Variants in GPC5 observed in about 807,000 individuals in gnomAD.
The protein encoded by GPC5 is glypican 5.
Under a neutral mutation model 53.9 loss-of-function variants are expected in GPC5, and 47 were observed. The ratio of observed to expected loss-of-function variants is 0.87; its 90% CI spans 0.69 to 1.11. GPC5 has a LOEUF of 1.11. Among genes scored for constraint, GPC5 ranks in the 50% most tolerant of loss-of-function variants. GPC5 has a pLI of 0.00. For synonymous variants in GPC5, 286 were observed against 263.3 expected, an observed-to-expected ratio of 1.09 and a Z score of -0.84; for missense variants, 748 against 713.1, an observed-to-expected ratio of 1.05 and a Z score of -0.56.
chr13:91,407,913 T>A (rs923519771), intron 1 of GPC5, among the ~76,000 whole-genome samples: 5 of 152,180 alleles, frequency 3.3e-5, no homozygotes, highest in South Asian at 2.1e-4. Context: ...TTTTAAAAAA[T>A]TTATTTTAAA....
intron 7 of GPC5, among the ~76,000 whole-genome samples, chr13:92,354,370 T>C (rs966514854): frequency 3.9e-5 from 6 of 152,216 alleles, no homozygotes; most frequent in Non-Finnish European, 5.9e-5. Context: ...TTACCACAAG[T>C]TTTGCTCCTT....
chr13:91,410,705 A>C (rs940816434), intron 1 of GPC5, among the ~76,000 whole-genome samples: 2 of 152,096 alleles, frequency 1.3e-5, no homozygotes, highest in Non-Finnish European at 2.9e-5. Context: ...ACTCCCTCTC[A>C]AGGTATTAAT....
chr13:92,349,391 C>T (rs757303927), intron 7 of GPC5, among the ~76,000 whole-genome samples: 3 of 151,436 alleles, frequency 2.0e-5, no homozygotes, highest in African/African-American at 4.9e-5. Context: ...GTGATTTGCC[C>T]GCCTTGGCCT....
chr13:91,527,740 A>G (rs993405188), intron 2 of GPC5, among the ~76,000 whole-genome samples: 1 of 152,312 alleles, frequency 6.6e-6, no homozygotes, highest in South Asian at 2.1e-4. Context: ...AGGCATTTCC[A>G]TACATCCTCT....
intron 6 of GPC5, among the ~76,000 whole-genome samples, chr13:91,927,109 A>AT (rs1286415051): frequency 6.6e-6 from 1 of 152,210 alleles, no homozygotes; most frequent in Non-Finnish European, 1.5e-5. Context: ...TCAGTTATTG[A>AT]TTTATTCTAA....
intron 7 of GPC5, among the ~76,000 whole-genome samples, chr13:92,762,369 A>G (rs1008831193): frequency 2.0e-5 from 3 of 152,166 alleles, no homozygotes; most frequent in Non-Finnish European, 4.4e-5. Flanking sequence ...GGTTTATGTA[A>G]GCCTCATGGT....
intron 7 of GPC5, among the ~76,000 whole-genome samples, chr13:92,578,445 C>A (rs1021079575): frequency 9.2e-5 from 14 of 152,054 alleles, no homozygotes; most frequent in South Asian, 2.1e-4. Flanking sequence ...TGGGGAGATA[C>A]CTTATGGAAA....
At chr13:91,908,711 T>C (rs1232858182) in intron 6 of GPC5, among the ~76,000 whole-genome samples, 1 of 152,110 alleles carries the variant, frequency 6.6e-6, no homozygotes, top group Non-Finnish European at 1.5e-5. Flanking sequence ...TTATGTTGCA[T>C]GTTGTAAATA....
chr13:92,496,645 A>G (rs973644971), intron 7 of GPC5, among the ~76,000 whole-genome samples: 1 of 152,134 alleles, frequency 6.6e-6, no homozygotes, highest in African/African-American at 2.4e-5. Flanking sequence ...TTGACGACCA[A>G]ATTCACAGAA....
chr13:91,567,030 G>A (rs1367150522), intron 2 of GPC5, among the ~76,000 whole-genome samples: 1 of 150,898 alleles, frequency 6.6e-6, no homozygotes, highest in African/African-American at 2.4e-5. Context: ...ATTTGGGACT[G>A]TCTCTATTTT....
intron 2 of GPC5, among the ~76,000 whole-genome samples, chr13:91,619,359 C>A (rs1456907784): frequency 6.6e-6 from 1 of 152,018 alleles, no homozygotes; most frequent in Non-Finnish European, 1.5e-5. Context: ...TATACGAGGG[C>A]AAACCATTAT....
intron 7 of GPC5, among the ~76,000 whole-genome samples, chr13:92,663,972 T>G (rs1261278996): frequency 1.4e-5 from 2 of 147,716 alleles, no homozygotes; most frequent in East Asian, 2.0e-4. Flanking sequence ...CTTGGGAGGC[T>G]GAGGCAGAAG....
intron 6 of GPC5, among the ~76,000 whole-genome samples, chr13:91,985,914 TACTC>T (rs113156549): frequency 0.029 from 4,363 of 152,092 alleles, 188 homozygotes; most frequent in African/African-American, 0.098. Flanking sequence ...AAAACCAAAA[TACTC>T]AATGCCACTT....
chr13:92,163,751 G>T (rs553298252), intron 7 of GPC5, among the ~76,000 whole-genome samples: 2 of 151,932 alleles, frequency 1.3e-5, no homozygotes, highest in Non-Finnish European at 2.9e-5. Flanking sequence ...CAAAGATGAA[G>T]TTTGTTGATC....
intron 7 of GPC5, among the ~76,000 whole-genome samples, chr13:92,545,740 A>T (rs1214468383): frequency 6.6e-6 from 1 of 151,980 alleles, no homozygotes; most frequent in Non-Finnish European, 1.5e-5. Context: ...GTCTGTTCAT[A>T]TCCTTTGCCC....
At chr13:92,318,873 G>T (rs1488750963) in intron 7 of GPC5, among the ~76,000 whole-genome samples, 2 of 152,166 alleles carry the variant, frequency 1.3e-5, no homozygotes, top group South Asian at 2.1e-4. Flanking sequence ...GGGGGCTTTT[G>T]TTTGTTTCAT....
chr13:92,806,589 A>G (rs1330830657), intron 7 of GPC5, among the ~76,000 whole-genome samples: 2 of 151,994 alleles, frequency 1.3e-5, no homozygotes, highest in African/African-American at 4.8e-5. Flanking sequence ...AATTCATCCT[A>G]TCAATGAAGC....
intron 7 of GPC5, among the ~76,000 whole-genome samples, chr13:92,713,116 C>T (rs933974339): frequency 2.0e-5 from 3 of 151,818 alleles, no homozygotes; most frequent in African/African-American, 7.3e-5. Flanking sequence ...CACACACTTA[C>T]ACACACATGG....
chr13:92,663,962 C>G (rs1052165316), intron 7 of GPC5, among the ~76,000 whole-genome samples: 2 of 146,192 alleles, frequency 1.4e-5, no homozygotes, highest in African/African-American at 5.1e-5. Flanking sequence ...GTCCCAGCTA[C>G]TTGGGAGGCT....
Sources: gnomAD v4.1 joint callset for allele counts (sites outside exome capture counted in the v4.1 genomes callset) on GRCh38, gnomAD v4.1.1 for gene constraint, MANE v1.5 for transcripts, NCBI Gene and HGNC (gene_info 2026-07-23, HGNC 2026-07-21) for gene names.